Variants in PGCKA1 observed in about 807,000 individuals in gnomAD.
PGCKA1 encodes PDCD10 and GCKIII kinases-associated protein 1.
the PGCKA1 span, among the ~76,000 whole-genome samples, chr4:37,524,105 G>A: frequency 6.1e-4 from 93 of 152,180 alleles, no homozygotes; most frequent in Middle Eastern, 3.4e-3. Context: ...GTATAAAGTG[G>A]GTTCTTTCTT....
chr4:37,478,149 C>CCA, the PGCKA1 span, among the ~76,000 whole-genome samples: 4 of 111,522 alleles, frequency 3.6e-5, no homozygotes, highest in African/African-American at 1.2e-4. Flanking sequence ...AACACCCCCC[C>CCA]CCACCGCCAC....
the PGCKA1 span, among the ~76,000 whole-genome samples, chr4:37,551,680 C>T: frequency 0.22 from 33,719 of 152,044 alleles, 4,200 homozygotes; most frequent in East Asian, 0.53. Context: ...CACATGTGCC[C>T]GTAAAAGTGT....
the PGCKA1 span, among the ~76,000 whole-genome samples, chr4:37,549,068 C>CG: frequency 1.3e-5 from 2 of 151,114 alleles, no homozygotes; most frequent in African/African-American, 4.9e-5. Context: ...CAGGTCAGAC[C>CG]CGAGGGCCAT....
the PGCKA1 span, among the ~76,000 whole-genome samples, chr4:37,539,817 T>C: frequency 1.3e-5 from 2 of 152,204 alleles, no homozygotes; most frequent in East Asian, 1.9e-4. Context: ...ATGAACATTG[T>C]GTATTTTCAT....
the PGCKA1 span, among the ~76,000 whole-genome samples, chr4:37,584,754 T>C: frequency 0.26 from 38,738 of 151,862 alleles, 6,879 homozygotes; most frequent in East Asian, 0.64. Flanking sequence ...GAGCTGGGAG[T>C]GCAAGGTGTC....
chr4:37,502,626 C>T, the PGCKA1 span, among the ~76,000 whole-genome samples: 6 of 152,288 alleles, frequency 3.9e-5, no homozygotes, highest in South Asian at 2.1e-4. Context: ...GCACAGGGTG[C>T]GTGCGCACAT....
the PGCKA1 span, among the ~76,000 whole-genome samples, chr4:37,535,472 C>T: frequency 6.6e-6 from 1 of 152,064 alleles, no homozygotes; most frequent in East Asian, 1.9e-4. Context: ...AGTGGGGGGC[C>T]ACAGTGATCC....
the PGCKA1 span, among the ~76,000 whole-genome samples, chr4:37,500,804 G>A: frequency 1.6e-3 from 240 of 152,284 alleles, no homozygotes; most frequent in African/African-American, 5.5e-3. Flanking sequence ...TGGGTTCTCC[G>A]ATGTTGTGTG....
chr4:37,467,965 TTC>T, the PGCKA1 span, among the ~76,000 whole-genome samples: 1 of 152,194 alleles, frequency 6.6e-6, no homozygotes, highest in Non-Finnish European at 1.5e-5. Flanking sequence ...CTCGCTCATG[TTC>T]TCTCTCTGTC....
At chr4:37,571,445 C>T in the PGCKA1 span, among the ~76,000 whole-genome samples, 1 of 145,978 alleles carries the variant, frequency 6.9e-6, no homozygotes, top group Non-Finnish European at 1.5e-5. Context: ...TCACTGCAAC[C>T]TCCACCTCCC....
chr4:37,480,735 C>T, the PGCKA1 span, among the ~76,000 whole-genome samples: 1 of 152,130 alleles, frequency 6.6e-6, no homozygotes, highest in South Asian at 2.1e-4. Context: ...AGCATCTTCC[C>T]GCCCCAAGGG....
At chr4:37,554,409 T>C in the PGCKA1 span, among the ~76,000 whole-genome samples, 19 of 152,170 alleles carry the variant, frequency 1.2e-4, no homozygotes, top group Admixed American at 5.9e-4. Flanking sequence ...TGGAGTGCAG[T>C]GGTGCAATGA....
At chr4:37,509,769 C>T in the PGCKA1 span, among the ~76,000 whole-genome samples, 11 of 151,538 alleles carry the variant, frequency 7.3e-5, no homozygotes, top group South Asian at 4.2e-4. Flanking sequence ...AAGACCAGCC[C>T]GGCCAACACA....
At chr4:37,576,098 A>G in the PGCKA1 span, among the ~76,000 whole-genome samples, 1 of 152,102 alleles carries the variant, frequency 6.6e-6, no homozygotes, top group East Asian at 1.9e-4. Context: ...GGTTCCACAT[A>G]CATTTTAGAA....
chr4:37,532,554 C>T, the PGCKA1 span, among the ~76,000 whole-genome samples: 5 of 150,974 alleles, frequency 3.3e-5, no homozygotes, highest in Non-Finnish European at 7.4e-5. Context: ...GGTACACATC[C>T]TTTATTTACA....
chr4:37,492,117 C>T, the PGCKA1 span, among the ~76,000 whole-genome samples: 867 of 151,882 alleles, frequency 5.7e-3, 9 homozygotes, highest in African/African-American at 0.02. This position sits in a 1 kb window ranked among gnomAD's most constrained non-coding sequence, Gnocchi z 4.7. Flanking sequence ...TCTTGGTTCA[C>T]TGCAACCTCC....
At chr4:37,477,403 G>C in the PGCKA1 span, among the ~76,000 whole-genome samples, 1 of 152,182 alleles carries the variant, frequency 6.6e-6, no homozygotes, top group Non-Finnish European at 1.5e-5. Flanking sequence ...CAAGGGGATT[G>C]GGCAAGATGG....
the PGCKA1 span, among the ~76,000 whole-genome samples, chr4:37,571,859 T>A: frequency 1.3e-5 from 2 of 152,002 alleles, no homozygotes; most frequent in Non-Finnish European, 1.5e-5. Context: ...CTCGAACTTC[T>A]GACCTCAAGC....
chr4:37,581,869 C>T, the PGCKA1 span, among the ~76,000 whole-genome samples: 8 of 152,152 alleles, frequency 5.3e-5, no homozygotes, highest in African/African-American at 1.9e-4. The surrounding 1 kb of genome is among the most constrained non-coding windows in gnomAD (Gnocchi z 4.4). Flanking sequence ...ATTAGGATTG[C>T]AGAGCACTTT....
Sources: allele counts gnomAD v4.1 joint callset (sites outside exome capture counted in the v4.1 genomes callset), GRCh38; gene constraint gnomAD v4.1.1; non-coding constraint Gnocchi (gnomAD v3.1); transcripts MANE v1.5; gene names NCBI Gene and HGNC (gene_info 2026-07-23, HGNC 2026-07-21).